Variants in ASB18 observed in about 807,000 individuals in gnomAD.
The protein encoded by ASB18 is ankyrin repeat and SOCS box protein 18.
In ASB18, 33 loss-of-function variants were observed where a neutral mutation model predicts 33.4. The ratio of observed to expected loss-of-function variants is 0.99; its 90% confidence interval spans 0.75 to 1.32. The LOEUF is 1.32. Ranked by LOEUF, ASB18 falls within the 40% of genes most tolerant of loss-of-function variation. The pLI is 0.00. For synonymous variants in ASB18, 295 were observed against 307.6 expected (o/e 0.96, Z 0.43); for missense variants, 694 against 655.5 (o/e 1.06, Z -0.64).
At position 236,196,626 on chromosome 2, in the gene ASB18, G is replaced by A. The variant is rs768853001; in HGVS notation, c.1102-241C>T. Among the ~76,000 whole-genome samples, 9 of 152,166 alleles carry A rather than the reference G, an allele frequency of 5.9e-5. No homozygotes were observed. Among genetic ancestry groups the A allele is most frequent in the Non-Finnish European group, 1.2e-4 (8 of 68,014 alleles). On this transcript the variant is annotated intron_variant, in intron 4 of 5. Transcript: ENST00000409749. The surrounding 1 kb of genome is among the most constrained non-coding windows in gnomAD (Gnocchi z 5.6). The stretch of plus-strand genomic sequence containing the variant: ...AGCCCTCCTTCCCATCATGATGGCC[G>A]CCCAGCCAAAGTCTGGGCCAAGTGC...
chr2:236,234,804 C>T lies in ASB18; in HGVS notation c.596+2885G>A, dbSNP rs2060581418. On this transcript the variant is annotated intron_variant, in intron 3 of 5. Transcript: ENST00000409749. The surrounding 1 kb of genome is among the most constrained non-coding windows in gnomAD (Gnocchi z 4.1). ...TCAGAAATGAACTCAAAATGGATCA[C>T]AGACTTAAATGTAAAATGTAAAGTT... Among the ~76,000 whole-genome samples, 1 of 152,072 alleles carries T rather than the reference C, an allele frequency of 6.6e-6. No individual in the cohort carries two copies. Among genetic ancestry groups the T allele is most frequent in the Non-Finnish European group, 1.5e-5 (1 of 68,016 alleles).
In ASB18 at chr2:236,221,109, G is replaced by C. The variant is rs1272716671; in HGVS notation, c.597-6243C>G. Among the ~76,000 whole-genome samples the C allele has an allele frequency of 6.6e-6, 1 of 152,146 alleles. No homozygotes were observed. Among genetic ancestry groups the C allele is most frequent in the Admixed American group, 6.5e-5 (1 of 15,276 alleles). On this transcript the variant is annotated intron_variant, in intron 3 of 5. Transcript: ENST00000409749. This position sits in a 1 kb window ranked among gnomAD's most constrained non-coding sequence, Gnocchi z 5.6. ...GGTCTAAAGGGCAGGGCCCGGCAGA[G>C]GATGGTGGCCTTGCAGTCAGTGTGT...
At chr2:236,258,666 G>A (rs2060704124) in intron 1 of ASB18, among the ~76,000 whole-genome samples, 1 of 152,188 alleles carries the variant, frequency 6.6e-6, no homozygotes, top group South Asian at 2.1e-4. Flanking sequence ...GGTTCGCCCT[G>A]CATCAAGCCT....
intron 1 of ASB18, among the ~76,000 whole-genome samples, chr2:236,258,740 T>A (rs1005632140): frequency 2.0e-5 from 3 of 152,150 alleles, no homozygotes; most frequent in African/African-American, 7.2e-5. Context: ...GTCCGTGGTG[T>A]GTTTACCCAC....
At chr2:236,247,212 G>A (rs2060649225) in intron 1 of ASB18, 1 of 147,434 alleles carries the variant, frequency 6.8e-6, no homozygotes, top group African/African-American at 2.5e-5. Context: ...TATTTCATAA[G>A]CATGGCAGAG....
chr2:236,209,843 C>T lies in ASB18; in HGVS notation c.1101+4519G>A, dbSNP rs529903245. 7.2e-5 allele frequency among the ~76,000 whole-genome samples: 11 copies of T among 152,366 alleles called. No individual in the cohort carries two copies. The highest frequency in any genetic ancestry group is 6.2e-4 in the South Asian group (3 of 4,828). Reference sequence around the variant, plus strand: ...TGCCCCCTAGCTGTTTCCTCTCCAACGACTAGCTCATTTTTCCAACTGCAC... The same window carrying T: ...TGCCCCCTAGCTGTTTCCTCTCCAATGACTAGCTCATTTTTCCAACTGCAC... On this transcript the variant is annotated intron_variant, in intron 4 of 5. Transcript: ENST00000409749. The surrounding 1 kb of genome is among the most constrained non-coding windows in gnomAD (Gnocchi z 4.4).
chr2:236,239,864 C>T lies in ASB18; in HGVS notation c.328+1416G>A, dbSNP rs1203078828. Among the ~76,000 whole-genome samples, 2 of 152,180 alleles carry T rather than the reference C, an allele frequency of 1.3e-5. No individual in the cohort carries two copies. The highest frequency in any genetic ancestry group is 2.4e-5 in the African/African-American group (1 of 41,446). ...CTGCAGGGCAGTCAGGTGTCTGTGC[C>T]GGAGGAGGCTGGAATCCAGGCAGCC... is the stretch of plus-strand genomic sequence containing the variant. On this transcript the variant is annotated intron_variant, in intron 2 of 5. Coordinates refer to ENST00000409749, the MANE Select transcript of ASB18 (RefSeq NM_212556.4). This position sits in a 1 kb window ranked among gnomAD's most constrained non-coding sequence, Gnocchi z 5.6.
intron 4 of ASB18, among the ~76,000 whole-genome samples, chr2:236,207,176 C>G (rs1327515320): frequency 6.6e-6 from 1 of 152,178 alleles, no homozygotes; most frequent in Non-Finnish European, 1.5e-5. Flanking sequence ...AGAGCAGGAC[C>G]CAGGAACAGC....
rs1334614620 is a variant in ASB18 at position 236,196,911 on chromosome 2, A to T, written c.1102-526T>A. Among the ~76,000 whole-genome samples the T allele has an allele frequency of 6.6e-6, 1 of 152,224 alleles. No homozygotes were observed. Among genetic ancestry groups the T allele is most frequent in the Non-Finnish European group, 1.5e-5 (1 of 68,028 alleles). ...ACAGTCCCCACTGGCAAAGATTCCT[A>T]TTGCCTTATTCACAAATTTATAATT... is the stretch of plus-strand genomic sequence containing the variant. On this transcript the variant is annotated intron_variant, in intron 4 of 5. Coordinates refer to ENST00000409749, the MANE Select transcript of ASB18 (RefSeq NM_212556.4). This position sits in a 1 kb window ranked among gnomAD's most constrained non-coding sequence, Gnocchi z 5.6.
Position 236,251,529 on chromosome 2 carries a change from C to T in ASB18, c.206-10127G>A, listed in dbSNP as rs543394498. On this transcript the variant is annotated intron_variant, in intron 1 of 5. Transcript: ENST00000409749. The surrounding 1 kb of genome is among the most constrained non-coding windows in gnomAD (Gnocchi z 5.3). ...AAGTTGGTTTGCTTTGATTGTTCTGCCCTGTGATCCTTTATATCCCTTCTA... is the reference window on the plus strand; with the variant it reads ...AAGTTGGTTTGCTTTGATTGTTCTGTCCTGTGATCCTTTATATCCCTTCTA... Among the ~76,000 whole-genome samples, 3 of 152,222 alleles carry T rather than the reference C, an allele frequency of 2.0e-5. No homozygotes were observed. The highest frequency in any genetic ancestry group is 4.2e-4 in the South Asian group (2 of 4,812).
In ASB18 at chr2:236,251,631, A is replaced by G. The variant is rs1254984250; in HGVS notation, c.206-10229T>C. On this transcript the variant is annotated intron_variant, in intron 1 of 5. Transcript: ENST00000409749. The surrounding 1 kb of genome is among the most constrained non-coding windows in gnomAD (Gnocchi z 5.3). The stretch of plus-strand genomic sequence containing the variant: ...ATTTGGTCAACACTGCATCCAGCAA[A>G]GTGAGGCCAGTTTTGTCTGATGGAG... Among the ~76,000 whole-genome samples, 1 of 152,210 alleles carries G rather than the reference A, an allele frequency of 6.6e-6. No homozygotes were observed. The highest frequency in any genetic ancestry group is 1.5e-5 in the Non-Finnish European group (1 of 68,040).
Position 236,196,715 on chromosome 2 carries a change from G to T in ASB18, c.1102-330C>A, listed in dbSNP as rs539476127. On this transcript the variant is annotated intron_variant, in intron 4 of 5. Transcript: ENST00000409749. This position sits in a 1 kb window ranked among gnomAD's most constrained non-coding sequence, Gnocchi z 5.6. ...TTGGCAGGCCTCCTTGGCCCCCAGA[G>T]AGCTGCTCAGAGAAAAGGAATGAAG... Among the ~76,000 whole-genome samples the T allele has an allele frequency of 2.4e-4, 37 of 152,336 alleles. No homozygotes were observed. The East Asian group carries it at 6.9e-3, about 29-fold the overall frequency.
In ASB18 at chr2:236,251,566, T is replaced by C. The variant is rs1198896305; in HGVS notation, c.206-10164A>G. Among the ~76,000 whole-genome samples, 1 of 152,170 alleles carries C rather than the reference T, an allele frequency of 6.6e-6. No homozygotes were observed. Among genetic ancestry groups the C allele is most frequent in the Non-Finnish European group, 1.5e-5 (1 of 68,038 alleles). On this transcript the variant is annotated intron_variant, in intron 1 of 5. Transcript: ENST00000409749. This position sits in a 1 kb window ranked among gnomAD's most constrained non-coding sequence, Gnocchi z 5.3. Reference sequence around the variant, plus strand: ...TTATATCCCTTCTAGAAACGAGAAGTTTACCTATCCTGAAGTTGAGAAGGG... The same window carrying C: ...TTATATCCCTTCTAGAAACGAGAAGCTTACCTATCCTGAAGTTGAGAAGGG...
In ASB18 at chr2:236,249,196, C is replaced by T. The variant is rs2060658672; in HGVS notation, c.206-7794G>A. On this transcript the variant is annotated intron_variant, in intron 1 of 5. Transcript: ENST00000409749. This position sits in a 1 kb window ranked among gnomAD's most constrained non-coding sequence, Gnocchi z 4.6. ...GTAGAACTGAGAGTCCCTCTGAGAA[C>T]TCCAGAGAGCCCCTGTGCTTTGCTT... 1 of 152,216 alleles carries T rather than the reference C, an allele frequency of 6.6e-6. No homozygotes were observed. Among genetic ancestry groups the T allele is most frequent in the African/African-American group, 2.4e-5 (1 of 41,458 alleles). The allele number at this position is 152,216 out of a possible 1,614,324, so 9.4% of individuals were successfully genotyped here.
At chr2:236,258,935 A>G (rs1257142588) in intron 1 of ASB18, among the ~76,000 whole-genome samples, 1 of 152,202 alleles carries the variant, frequency 6.6e-6, no homozygotes, top group African/African-American at 2.4e-5. Context: ...TCAGCAGCAA[A>G]ATCATGGAAT....
Position 236,195,807 on chromosome 2 carries a change from C to T in ASB18, c.1215+465G>A, listed in dbSNP as rs1250669553. Among the ~76,000 whole-genome samples, 6 of 152,124 alleles carry T rather than the reference C, an allele frequency of 3.9e-5. No homozygotes were observed. Among genetic ancestry groups the T allele is most frequent in the Non-Finnish European group, 8.8e-5 (6 of 68,014 alleles). On this transcript the variant is annotated intron_variant, in intron 5 of 5. Coordinates refer to ENST00000409749, the MANE Select transcript of ASB18 (RefSeq NM_212556.4). This position sits in a 1 kb window ranked among gnomAD's most constrained non-coding sequence, Gnocchi z 5.5. Reference sequence around the variant, plus strand: ...CTAGGATTACAGGCATGAGCCACCGCACCTGGCCTGTTCTCACTCTCTTTT... The same window carrying T: ...CTAGGATTACAGGCATGAGCCACCGTACCTGGCCTGTTCTCACTCTCTTTT...
rs999936112 is a variant in ASB18, at chr2:236,208,092, A to G, written c.1101+6270T>C. 9.9e-5 allele frequency among the ~76,000 whole-genome samples: 15 copies of G among 151,874 alleles called. No individual in the cohort carries two copies. Among genetic ancestry groups the G allele is most frequent in the African/African-American group, 3.4e-4 (14 of 41,348 alleles). On this transcript the variant is annotated intron_variant, in intron 4 of 5. Coordinates refer to ENST00000409749, the MANE Select transcript of ASB18 (RefSeq NM_212556.4). This position sits in a 1 kb window ranked among gnomAD's most constrained non-coding sequence, Gnocchi z 7.7. ...ATCGGTGGTCCCCTCCCCATGCCCA[A>G]TTATTTTTGTTCTCATCCATTACTG...
At position 236,245,662 on chromosome 2, in the gene ASB18, G is replaced by A. The variant is rs1261328387; in HGVS notation, c.206-4260C>T. 6.6e-6 allele frequency among the ~76,000 whole-genome samples: 1 copy of A among 152,130 alleles called. No homozygotes were observed. Among genetic ancestry groups the A allele is most frequent in the African/African-American group, 2.4e-5 (1 of 41,438 alleles). On this transcript the variant is annotated intron_variant, in intron 1 of 5. Transcript: ENST00000409749. The surrounding 1 kb of genome is among the most constrained non-coding windows in gnomAD (Gnocchi z 4.7). ...TGATGTCTGTCCTTGCACTCTGACT[G>A]TGGCACTGGGCGCTCTACTATTACT...
rs529097782 is a variant in ASB18 at position 236,263,042 on chromosome 2, C to T, written c.205+1099G>A. ...CATGTGATGCATGTACTTGCGTGTG[C>T]GTGTGTGCACCTATGTTGGGAGGGA... On this transcript the variant is annotated intron_variant, in intron 1 of 5. Coordinates refer to ENST00000409749, the MANE Select transcript of ASB18 (RefSeq NM_212556.4). This position sits in a 1 kb window ranked among gnomAD's most constrained non-coding sequence, Gnocchi z 4.0. 4.6e-5 allele frequency among the ~76,000 whole-genome samples: 7 copies of T among 152,282 alleles called. No individual in the cohort carries two copies. Among genetic ancestry groups the T allele is most frequent in the South Asian group, 4.1e-4 (2 of 4,822 alleles).
Sources: allele counts gnomAD v4.1 joint callset (sites outside exome capture counted in the v4.1 genomes callset), GRCh38; gene constraint gnomAD v4.1.1; non-coding constraint Gnocchi (gnomAD v3.1); transcripts MANE v1.5; gene names NCBI Gene and HGNC (gene_info 2026-07-23, HGNC 2026-07-21).